The following TRIM25 variants were observed in gnomAD, a reference collection of about 807,000 sequenced individuals.
TRIM25 encodes tripartite motif containing 25.
In TRIM25, 45 loss-of-function variants were observed where a neutral mutation model predicts 65.2. That is an observed-to-expected ratio of 0.69 (90% CI 0.54 to 0.89). TRIM25 has a LOEUF of 0.89. Among genes scored for constraint, TRIM25 ranks in the 40% least tolerant of loss-of-function variants. The pLI is 0.00. For missense variants in TRIM25, 714 were observed against 803.7 expected (o/e 0.89, Z 1.35); for synonymous variants, 321 against 340.4 (o/e 0.94, Z 0.63).
At chr17:56,911,558 G>A (rs1345501616) in intron 1 of TRIM25, among the ~76,000 whole-genome samples, 3 of 142,078 alleles carry the variant, frequency 2.1e-5, no homozygotes, top group Admixed American at 7.4e-5. Context: ...CCAGCCTGGC[G>A]ACAGAACAAG....
chr17:56,901,613 T>C, intron 3 of TRIM25, 35 bp from the exon 4 acceptor site: 3 of 1,612,290 alleles, frequency 1.9e-6, no homozygotes, highest in African/African-American at 2.7e-5. Context: ...CAGGCAGCTC[T>C]GGTGAAACGG....
chr17:56,908,634 C>T (rs1909568430), intron 1 of TRIM25, 71 bp from the exon 2 acceptor site: 1 of 1,456,064 alleles, frequency 6.9e-7, no homozygotes, highest in Non-Finnish European at 9.5e-7. Context: ...ATCCCTGGAA[C>T]TATCCCACAG....
At chr17:56,895,168 G>A (rs1244378532) in intron 8 of TRIM25, among the ~76,000 whole-genome samples, 175 bp downstream of exon 8, 1 of 152,224 alleles carries the variant, frequency 6.6e-6, no homozygotes, top group Non-Finnish European at 1.5e-5. Context: ...GAGCTAGTTA[G>A]GAAAAGTAAA....
intron 8 of TRIM25, 133 bp downstream of exon 8, chr17:56,895,210 G>A: frequency 9.2e-6 from 6 of 653,116 alleles, no homozygotes; most frequent in Non-Finnish European, 1.1e-5. Flanking sequence ...GAAAATAAGG[G>A]AGCAACAAAG....
At position 56,913,229 on chromosome 17, in the gene TRIM25, T is replaced by C. The variant is rs1598081251; in HGVS notation, c.597+163A>G. 1 of 567,818 alleles carries C rather than the reference T, an allele frequency of 1.8e-6. No homozygotes were observed. Among genetic ancestry groups the C allele is most frequent in the Non-Finnish European group, 3.0e-6 (1 of 336,418 alleles). 35.2% of individuals were successfully genotyped at this position (567,818 alleles called of 1,614,324 possible). ...TCATGGATGATGGGAAGGGACTATA[T>C]AATCTCCCATCCCCTTTCTACTCTG... On this transcript the variant is annotated intron_variant, in intron 1 of 8. Coordinates refer to ENST00000316881, the MANE Select transcript of TRIM25 (RefSeq NM_005082.5). This position sits in a 1 kb window ranked among gnomAD's most constrained non-coding sequence, Gnocchi z 6.1.
intron 3 of TRIM25, 108 bp from the exon 4 acceptor site, chr17:56,901,686 C>T: frequency 2.2e-6 from 3 of 1,394,996 alleles, no homozygotes; most frequent in Non-Finnish European, 3.0e-6. Context: ...AGTGCTAAGT[C>T]CAATTGGCCT....
intron 4 of TRIM25, among the ~76,000 whole-genome samples, chr17:56,900,223 A>G (rs1368027121): frequency 6.6e-6 from 1 of 151,946 alleles, no homozygotes; most frequent in Non-Finnish European, 1.5e-5. Flanking sequence ...CAAAAAAAAA[A>G]AAATTTTTTT....
rs1909107095 is a variant in TRIM25 at position 56,888,695 on chromosome 17, C to T, written c.*3005G>A. The T allele has an allele frequency of 6.6e-6, 1 of 152,216 alleles. No homozygotes were observed. Among genetic ancestry groups the T allele is most frequent in the South Asian group, 2.1e-4 (1 of 4,826 alleles). The allele number at this position is 152,216 out of a possible 1,614,324, so 9.4% of individuals were successfully genotyped here. On this transcript the variant is annotated 3_prime_UTR_variant, in exon 9 of 9. Transcript: ENST00000316881. ...CCGCAGCAAAGCCCAGACAGACATCCTATCGGTCTGAGAATTCCTTATCAA... is the reference window on the plus strand; with the variant it reads ...CCGCAGCAAAGCCCAGACAGACATCTTATCGGTCTGAGAATTCCTTATCAA...
In TRIM25 at chr17:56,890,931, TA is replaced by T. The variant is rs986747148; in HGVS notation, c.*768del. On this transcript the variant is annotated 3_prime_UTR_variant, in exon 9 of 9. Transcript: ENST00000316881. ...CTGCCAAGATGCTTCTTATGATACT[TA>T]GGAAGGATTTCCACCCAAACTGGAT... 2.6e-5 allele frequency: 12 copies of T among 456,058 alleles called. No homozygotes were observed. Among genetic ancestry groups the T allele is most frequent in the Admixed American group, 4.7e-5 (2 of 42,532 alleles). 28.3% of individuals were successfully genotyped at this position (456,058 alleles called of 1,614,324 possible). A position where few individuals can be genotyped will look rare whatever the true frequency, so the allele number is the denominator to read the frequency against.
chr17:56,890,272 G>C lies in TRIM25; in HGVS notation c.*1428C>G. ...AACATTAGGCTATAAGGAGCTTGGG[G>C]AAAATCCAGCCATCCATTCACTCCC... is the stretch of plus-strand genomic sequence containing the variant. On this transcript the variant is annotated 3_prime_UTR_variant, in exon 9 of 9. Transcript: ENST00000316881. 1 of 324,120 alleles carries C rather than the reference G, an allele frequency of 3.1e-6. No individual in the cohort carries two copies. The highest frequency in any genetic ancestry group is 6.0e-6 in the Non-Finnish European group (1 of 166,590). 20.1% of individuals were successfully genotyped at this position (324,120 alleles called of 1,614,324 possible). A position where few individuals can be genotyped will look rare whatever the true frequency, so the allele number is the denominator to read the frequency against.
chr17:56,901,701 A>C lies in TRIM25; in HGVS notation c.928-123T>G, dbSNP rs191057196. On this transcript the variant is annotated intron_variant, in intron 3 of 8. Transcript: ENST00000316881. The stretch of plus-strand genomic sequence containing the variant: ...AGTGCTAAGTCCAATTGGCCTTCTC[A>C]AATTACAGGCCAGAGGTCACCAGGA... 41 of 1,252,850 alleles carry C rather than the reference A, an allele frequency of 3.3e-5. No homozygotes were observed. In the Admixed American group the frequency reaches 6.7e-4, roughly 20 times the overall value. The allele number at this position is 1,252,850 out of a possible 1,614,324, so 77.6% of individuals were successfully genotyped here. A position where few individuals can be genotyped will look rare whatever the true frequency, so the allele number is the denominator to read the frequency against.
chr17:56,891,657 T>C lies in TRIM25; in HGVS notation c.*43A>G. ...TGCCTGCTGTATTTTCACTAGGGTC[T>C]TGGGACTTCTGCAGGCAGTCAGCCC... is the stretch of plus-strand genomic sequence containing the variant. On this transcript the variant is annotated 3_prime_UTR_variant, in exon 9 of 9. Transcript: ENST00000316881. 1 of 1,573,736 alleles carries C rather than the reference T, an allele frequency of 6.4e-7. No individual in the cohort carries two copies. The highest frequency in any genetic ancestry group is 1.4e-5 in the African/African-American group (1 of 73,790).
intron 3 of TRIM25, among the ~76,000 whole-genome samples, chr17:56,902,028 T>C (rs563303796): frequency 6.6e-6 from 1 of 152,212 alleles, no homozygotes; most frequent in South Asian, 2.1e-4. Flanking sequence ...CCAGGGAATA[T>C]CTTATGGGAA....
chr17:56,889,838 G>C lies in TRIM25; in HGVS notation c.*1862C>G. On this transcript the variant is annotated 3_prime_UTR_variant, in exon 9 of 9. Transcript: ENST00000316881. Reference sequence around the variant, plus strand: ...TTTGATCATCTTCAAAAGCAGAGAAGAATCACCAAAGAACTTTTCTTCCAA... The same window carrying C: ...TTTGATCATCTTCAAAAGCAGAGAACAATCACCAAAGAACTTTTCTTCCAA... 2.5e-6 allele frequency: 1 copy of C among 398,528 alleles called. No individual in the cohort carries two copies. Among genetic ancestry groups the C allele is most frequent in the East Asian group, 3.6e-5 (1 of 28,068 alleles). The allele number at this position is 398,528 out of a possible 1,614,324, so 24.7% of individuals were successfully genotyped here.
At chr17:56,911,784 C>CAGG (rs1468806132) in intron 1 of TRIM25, among the ~76,000 whole-genome samples, 12 of 151,918 alleles carry the variant, frequency 7.9e-5, no homozygotes, top group Non-Finnish European at 1.0e-4. Context: ...ACTACCTACT[C>CAGG]AGGAGGCTGA....
intron 2 of TRIM25, among the ~76,000 whole-genome samples, chr17:56,908,205 C>A (rs117660775): frequency 1.3e-5 from 2 of 152,164 alleles, no homozygotes; most frequent in Non-Finnish European, 2.9e-5. Flanking sequence ...ATATCATAAC[C>A]ATTTTTCTGA....
intron 8 of TRIM25, among the ~76,000 whole-genome samples, chr17:56,894,959 G>A (rs781346302): frequency 2.2e-4 from 33 of 152,224 alleles, no homozygotes; most frequent in Non-Finnish European, 4.1e-4. Context: ...GGGAATGGTG[G>A]CTCTGGAGAG....
chr17:56,895,588 T>C lies in TRIM25; in HGVS notation c.1197A>G (p.Leu399=). 1.9e-6 allele frequency: 3 copies of C among 1,570,446 alleles called. No individual in the cohort carries two copies. Among genetic ancestry groups the C allele is most frequent in the Non-Finnish European group, 2.6e-6 (3 of 1,156,392 alleles). ...KSKKPPPVPA[L]PSKLPTFGAP... is the part of the protein sequence containing the mutation. The stretch of plus-strand genomic sequence containing the variant: ...CTCCAAACGTGGGAAGCTTGCTGGG[T>C]AAGGCAGGGACAGGGGCTGGGGGTA... Residue 399 remains leucine (L), a synonymous_variant, in exon 7 of 9, where the codon TTA becomes TTG. Transcript: ENST00000316881.
intron 5 of TRIM25, chr17:56,898,857 T>G (rs1598073671): frequency 2.2e-6 from 1 of 462,692 alleles, no homozygotes; most frequent in Admixed American, 3.6e-5. Context: ...CCCAAGGACT[T>G]GGGTATAGTA....
Sources: allele counts gnomAD v4.1 joint callset (sites outside exome capture counted in the v4.1 genomes callset), GRCh38; gene constraint gnomAD v4.1.1; non-coding constraint Gnocchi (gnomAD v3.1); transcripts MANE v1.5; gene names NCBI Gene and HGNC (gene_info 2026-07-23, HGNC 2026-07-21).